The following MBD5 variants were observed in gnomAD, a reference collection of about 807,000 sequenced individuals.
The protein encoded by MBD5 is methyl-CpG-binding domain protein 5.
A neutral mutation model predicts 117.3 loss-of-function variants in MBD5; 13 were observed. The observed-to-expected ratio is 0.11, with a 90% CI of 0.07 to 0.18. MBD5 has a LOEUF of 0.18. MBD5 is among the 10% of genes least tolerant of loss of function. MBD5 has a pLI of 1.00. For missense variants in MBD5, 1,879 were observed against 2,093.8 expected (o/e 0.90, Z 2.00); for synonymous variants, 727 against 766.4 (o/e 0.95, Z 0.85).
chr2:148,466,518 T>C (rs909441878), intron 7 of MBD5, among the ~76,000 whole-genome samples: 5 of 152,142 alleles, frequency 3.3e-5, no homozygotes, highest in Admixed American at 2.6e-4. Flanking sequence ...AAAATGCAAG[T>C]AGGTTGTTTT....
At chr2:148,035,528 C>T (rs917559045) in intron 1 of MBD5, among the ~76,000 whole-genome samples, 3 of 152,146 alleles carry the variant, frequency 2.0e-5, no homozygotes, top group Admixed American at 2.0e-4. Context: ...AAACATGAAA[C>T]TCAGATGGTG....
At chr2:148,273,014 GA>G (rs1701021660) in intron 3 of MBD5, among the ~76,000 whole-genome samples, 1 of 152,176 alleles carries the variant, frequency 6.6e-6, no homozygotes, top group South Asian at 2.1e-4. Flanking sequence ...GTTACTGGGA[GA>G]AAAATACACA....
intron 4 of MBD5, among the ~76,000 whole-genome samples, chr2:148,345,168 T>G (rs777681805): frequency 1.3e-5 from 2 of 151,478 alleles, no homozygotes; most frequent in Admixed American, 6.6e-5. Context: ...ACAGAACTAA[T>G]AGGATATATA....
intron 3 of MBD5, among the ~76,000 whole-genome samples, chr2:148,251,082 A>C (rs1225383856): frequency 6.6e-6 from 1 of 152,168 alleles, no homozygotes; most frequent in Admixed American, 6.6e-5. Context: ...GGTACTAAAA[A>C]ACGCTTAATA....
At chr2:148,488,013 A>G (rs1163273846) in intron 10 of MBD5, among the ~76,000 whole-genome samples, 1 of 152,236 alleles carries the variant, frequency 6.6e-6, no homozygotes, top group African/African-American at 2.4e-5. Flanking sequence ...GAAAAGTGGA[A>G]GAGATTGAAC....
At chr2:148,440,705 A>G (rs1482488160) in intron 4 of MBD5, among the ~76,000 whole-genome samples, 1 of 152,228 alleles carries the variant, frequency 6.6e-6, no homozygotes, top group Non-Finnish European at 1.5e-5. Context: ...GATAAATAAG[A>G]TAAGGGATGT....
intron 3 of MBD5, among the ~76,000 whole-genome samples, chr2:148,278,209 T>G (rs371275978): frequency 6.6e-6 from 1 of 152,214 alleles, no homozygotes; most frequent in Admixed American, 6.5e-5. Flanking sequence ...GTATTGTTAT[T>G]ATGATATTGT....
At chr2:148,488,912 G>GT (rs5835196) in intron 10 of MBD5, among the ~76,000 whole-genome samples, 7,648 of 152,120 alleles carry the variant, frequency 0.05, 653 homozygotes, top group African/African-American at 0.17. Context: ...GAGTTTATAT[G>GT]TTTTTTTAAA....
intron 1 of MBD5, chr2:148,055,110 GCTT>G (rs1254786553): frequency 6.6e-6 from 1 of 152,076 alleles, no homozygotes; most frequent in African/African-American, 2.4e-5. Flanking sequence ...ATACTGATCT[GCTT>G]CTTAAGTGTG....
At chr2:148,276,077 C>T (rs1701105664) in intron 3 of MBD5, among the ~76,000 whole-genome samples, 1 of 151,920 alleles carries the variant, frequency 6.6e-6, no homozygotes, top group African/African-American at 2.4e-5. Flanking sequence ...TTTGGGAGTC[C>T]GAGACAGGAG....
chr2:148,068,215 A>AT (rs1428896751), intron 1 of MBD5, among the ~76,000 whole-genome samples: 1 of 152,144 alleles, frequency 6.6e-6, no homozygotes, highest in Non-Finnish European at 1.5e-5. Context: ...AGGAAAAAAA[A>AT]GCTCCTAGAT....
chr2:148,176,941 CA>C, intron 1 of MBD5, among the ~76,000 whole-genome samples: 2 of 151,310 alleles, frequency 1.3e-5, no homozygotes, highest in South Asian at 4.2e-4. Flanking sequence ...GTGAGGTTTT[CA>C]GTAAAATTTT....
At chr2:148,124,529 C>T (rs925647095) in intron 1 of MBD5, among the ~76,000 whole-genome samples, 13 of 150,718 alleles carry the variant, frequency 8.6e-5, no homozygotes, top group Admixed American at 7.9e-4. Context: ...AGTGAGCTGT[C>T]ATTGTGCTAC....
At chr2:148,280,997 A>G (rs1574234276) in intron 3 of MBD5, among the ~76,000 whole-genome samples, 1 of 152,178 alleles carries the variant, frequency 6.6e-6, no homozygotes, top group Non-Finnish European at 1.5e-5. Context: ...CTCTGATAGC[A>G]TTAAGACTTC....
intron 2 of MBD5, among the ~76,000 whole-genome samples, chr2:148,184,201 T>A (rs1698596953): frequency 6.6e-6 from 1 of 151,916 alleles, no homozygotes; most frequent in African/African-American, 2.4e-5. Context: ...TTGATAGAGA[T>A]GGGGTTTCAC....
intron 1 of MBD5, among the ~76,000 whole-genome samples, chr2:148,168,760 TA>T (rs1237019012): frequency 6.6e-6 from 1 of 151,190 alleles, no homozygotes; most frequent in African/African-American, 2.4e-5. Flanking sequence ...AAAATAAAAA[TA>T]AAAAAGAAGT....
At chr2:148,301,853 A>C (rs569983806) in intron 3 of MBD5, among the ~76,000 whole-genome samples, 1 of 152,262 alleles carries the variant, frequency 6.6e-6, no homozygotes, top group Non-Finnish European at 1.5e-5. Flanking sequence ...GCTTGACCCC[A>C]CTTGCCTAAC....
intron 10 of MBD5, among the ~76,000 whole-genome samples, chr2:148,488,264 C>T (rs1681400724): frequency 6.6e-6 from 1 of 152,130 alleles, no homozygotes; most frequent in African/African-American, 2.4e-5. Context: ...TACGTAAGAT[C>T]ATCTACTAAG....
intron 1 of MBD5, among the ~76,000 whole-genome samples, chr2:148,058,163 C>A (rs1694923167): frequency 6.6e-6 from 1 of 151,954 alleles, no homozygotes; most frequent in African/African-American, 2.4e-5. Context: ...TTTCCCCTTG[C>A]CCTTACTTTC....
Sources: gnomAD v4.1 joint callset for allele counts (sites outside exome capture counted in the v4.1 genomes callset) on GRCh38, gnomAD v4.1.1 for gene constraint, MANE v1.5 for transcripts, NCBI Gene and HGNC (gene_info 2026-07-23, HGNC 2026-07-21) for gene names.